TMEM67: variants seen among roughly 807,000 people sequenced by gnomAD.
The protein encoded by TMEM67 is meckelin.
Under a neutral mutation model 136.6 loss-of-function variants are expected in TMEM67, and 124 were observed. The observed-to-expected ratio is 0.91, with a 90% CI of 0.78 to 1.05. The LOEUF (loss-of-function observed/expected upper bound fraction) is 1.05, where lower values mean the gene tolerates loss of function less well. TMEM67 is among the 50% of genes least tolerant of loss of function. The pLI, the probability that TMEM67 is intolerant of heterozygous loss-of-function variation, is 0.00. For synonymous variants in TMEM67, 364 were observed against 390.5 expected (o/e 0.93, Z 0.80); for missense variants, 1,107 against 1,178.4 (o/e 0.94, Z 0.89).
At chr8:93,769,124 G>C (rs1813218361) in intron 6 of TMEM67, among the ~76,000 whole-genome samples, 1 of 152,164 alleles carries the variant, frequency 6.6e-6, no homozygotes, top group Non-Finnish European at 1.5e-5. Flanking sequence ...GAACACTCCA[G>C]GAGCACTGCA....
At position 93,765,379 on chromosome 8, in the gene TMEM67, T is replaced by A. The variant is rs556753686; in HGVS notation, c.507-27T>A. ...GTTTAGTATAATTTATTAACATTTT[T>A]AAAATTATTTTTGTTATATTGAACA... is the stretch of plus-strand genomic sequence containing the variant. On this transcript the variant is annotated intron_variant, in intron 4 of 27. Coordinates refer to ENST00000453321, the MANE Select transcript of TMEM67 (RefSeq NM_153704.6). The A allele has an allele frequency of 5.1e-5, 81 of 1,577,364 alleles. 2 individuals carry two copies. The highest frequency in any genetic ancestry group is 2.3e-4 in the Middle Eastern group (1 of 4,382).
chr8:93,770,435 A>G (rs759506881), intron 6 of TMEM67, among the ~76,000 whole-genome samples: 26 of 152,162 alleles, frequency 1.7e-4, no homozygotes, highest in Non-Finnish European at 2.6e-4. Context: ...TTGTTCAAAA[A>G]TGTTCTTTAT....
At chr8:93,808,544 A>G (rs1460024511) in intron 23 of TMEM67, among the ~76,000 whole-genome samples, 3 of 12,488 alleles carry the variant, frequency 2.4e-4, no homozygotes, top group East Asian at 0.011. Flanking sequence ...TCTATAATCT[A>G]TATATATCTA....
downstream of TMEM67, among the ~76,000 whole-genome samples, chr8:93,823,141 T>A (rs905410732): frequency 6.6e-6 from 1 of 152,224 alleles, no homozygotes; most frequent in Non-Finnish European, 1.5e-5. Flanking sequence ...AACATAAAAG[T>A]ATCATCTTAC....
chr8:93,809,095 T>G lies in TMEM67; in HGVS notation c.2595T>G (p.Ser865Arg), dbSNP rs1193124740. The G allele has an allele frequency of 6.2e-7, 1 of 1,611,928 alleles. No homozygotes were observed. Among genetic ancestry groups the G allele is most frequent in the South Asian group, 1.1e-5 (1 of 91,042 alleles). Residue 865 changes from serine (S) to arginine (R), a missense_variant, in exon 25 of 28, where the codon AGT becomes AGG. Transcript: ENST00000453321. Reference protein sequence around the residue: ...GPARLLSSSASTFEQSIKAYH... With the variant: ...GPARLLSSSARTFEQSIKAYH... ...CTAGACTACTGAGTTCATCAGCAAG[T>G]ACTTTTGAGCAGAGTATAAAAGCAT...
At position 93,763,864 on chromosome 8, in the gene TMEM67, ATTG is replaced by A. The variant is rs745883381; in HGVS notation, c.434_436del (p.Leu145del). 3 of 1,613,706 alleles carry A rather than the reference ATTG, an allele frequency of 1.9e-6. No individual in the cohort carries two copies. Among genetic ancestry groups the A allele is most frequent in the East Asian group, 2.2e-5 (1 of 44,838 alleles). On this transcript the variant is annotated inframe_deletion, in exon 4 of 28. Coordinates refer to ENST00000453321, the MANE Select transcript of TMEM67 (RefSeq NM_153704.6). ...CAGTGGAAAGAGACATTAATGGAAC[ATTG>A]TTGTCTCAAGCAACTTGTGAGCTCT...
At chr8:93,757,217 C>T (rs910395744) in intron 2 of TMEM67, 4 of 151,898 alleles carry the variant, frequency 2.6e-5, no homozygotes, top group Non-Finnish European at 5.9e-5. Flanking sequence ...TAATTTGTGG[C>T]ATTATTTTTG....
the TMEM67 span, among the ~76,000 whole-genome samples, chr8:93,826,948 G>C: frequency 1.4e-3 from 218 of 152,202 alleles, 1 homozygote; most frequent in African/African-American, 4.7e-3. Context: ...TCCTTCGTCA[G>C]CCTCCCAAGT....
the TMEM67 span, among the ~76,000 whole-genome samples, chr8:93,824,536 C>A: frequency 2.6e-5 from 4 of 152,090 alleles, no homozygotes; most frequent in African/African-American, 9.7e-5. Context: ...GCAGGAAGAG[C>A]CATCATTTAA....
chr8:93,765,691 T>C (rs764191722), intron 6 of TMEM67, 45 bp downstream of exon 6: 1 of 1,283,100 alleles, frequency 7.8e-7, no homozygotes, highest in Admixed American at 1.7e-5. Context: ...AAAAACTTTC[T>C]ACATTTCATC....
the TMEM67 span, among the ~76,000 whole-genome samples, chr8:93,830,289 C>T: frequency 6.6e-6 from 1 of 152,152 alleles, no homozygotes; most frequent in Non-Finnish European, 1.5e-5. Flanking sequence ...CCATGCCTCA[C>T]CCTACACATC....
chr8:93,818,833 A>T (rs1260639102), downstream of TMEM67, among the ~76,000 whole-genome samples: 1 of 151,884 alleles, frequency 6.6e-6, no homozygotes, highest in Non-Finnish European at 1.5e-5. Context: ...ATGGGGTCTC[A>T]CTCTTATCAC....
At chr8:93,770,880 C>G (rs1228547915) in intron 6 of TMEM67, among the ~76,000 whole-genome samples, 1 of 151,844 alleles carries the variant, frequency 6.6e-6, no homozygotes, top group Non-Finnish European at 1.5e-5. Context: ...CTGGGCGTGG[C>G]GGCAGGCTCC....
At chr8:93,755,526 T>G (rs1563673193) in intron 1 of TMEM67, among the ~76,000 whole-genome samples, 1 of 152,146 alleles carries the variant, frequency 6.6e-6, no homozygotes, top group Non-Finnish European at 1.5e-5. Flanking sequence ...TCCATTTTAT[T>G]GTAGAGGAAG....
At chr8:93,785,699 T>A in intron 12 of TMEM67, 1 of 241,776 alleles carries the variant, frequency 4.1e-6, no homozygotes, top group Non-Finnish European at 7.9e-6. Flanking sequence ...GTTTCTTTTG[T>A]TGTTATTCAT....
intron 3 of TMEM67, 72 bp downstream of exon 3, chr8:93,758,648 G>T: frequency 7.9e-7 from 1 of 1,262,782 alleles, no homozygotes; most frequent in South Asian, 1.2e-5. Flanking sequence ...TTTGAAAAGG[G>T]CACTAATTTA....
At chr8:93,818,792 G>A (rs767905163), downstream of TMEM67, among the ~76,000 whole-genome samples, 1 of 152,016 alleles carries the variant, frequency 6.6e-6, no homozygotes, top group African/African-American at 2.4e-5. Context: ...TTAGTTTCGT[G>A]GGTGTGTGTG....
intron 14 of TMEM67, among the ~76,000 whole-genome samples, 172 bp downstream of exon 14, chr8:93,788,121 T>A (rs1814201237): frequency 6.6e-6 from 1 of 151,978 alleles, no homozygotes; most frequent in African/African-American, 2.4e-5. Context: ...AAGAGGTGAG[T>A]TCTTATGGAT....
the TMEM67 span, among the ~76,000 whole-genome samples, chr8:93,830,907 C>A: frequency 1.3e-5 from 2 of 152,202 alleles, no homozygotes; most frequent in Non-Finnish European, 2.9e-5. Context: ...GTTCTGCCTT[C>A]GCAGAATCAT....
Sources: allele counts gnomAD v4.1 joint callset (sites outside exome capture counted in the v4.1 genomes callset), GRCh38; gene constraint gnomAD v4.1.1; transcripts MANE v1.5; gene names NCBI Gene and HGNC (gene_info 2026-07-23, HGNC 2026-07-21).